Variants in IFT70B observed in about 807,000 individuals in gnomAD.
The protein encoded by IFT70B is intraflagellar transport protein 70B.
At chr2:177,552,225 G>A in the IFT70B span, 6 of 1,614,124 alleles carry the variant, frequency 3.7e-6, no homozygotes, top group Non-Finnish European at 5.1e-6. Context: ...GGCCTGCAGG[G>A]CGGCAAAAAA....
chr2:177,552,061 C>T, the IFT70B span: 1 of 1,614,116 alleles, frequency 6.2e-7, no homozygotes, highest in Non-Finnish European at 8.5e-7. Flanking sequence ...CTGCGAACAT[C>T]AATGCCCTCA....
the IFT70B span, chr2:177,551,025 G>C: frequency 1.2e-6 from 2 of 1,614,128 alleles, no homozygotes; most frequent in South Asian, 2.2e-5. Flanking sequence ...CCAGGTGTCT[G>C]TTCCCAGCTT....
At chr2:177,552,775 C>G in the IFT70B span, 1 of 1,522,496 alleles carries the variant, frequency 6.6e-7, no homozygotes, top group African/African-American at 1.4e-5. Flanking sequence ...ACCACCACGG[C>G]TGTTATGGGT....
At chr2:177,552,715 C>T in the IFT70B span, 2 of 1,592,888 alleles carry the variant, frequency 1.3e-6, no homozygotes, top group Non-Finnish European at 1.7e-6. Context: ...CGGTACACGA[C>T]CGCGGTGAAC....
At chr2:177,551,826 A>C in the IFT70B span, 2 of 1,614,130 alleles carry the variant, frequency 1.2e-6, no homozygotes, top group Admixed American at 1.7e-5. Flanking sequence ...ATTCTGTTGG[A>C]GCAAAAACTG....
At chr2:177,552,134 A>C in the IFT70B span, 4 of 1,614,258 alleles carry the variant, frequency 2.5e-6, no homozygotes, top group African/African-American at 2.7e-5. Flanking sequence ...TCTCAGCGAT[A>C]TGCTTCAGTG....
the IFT70B span, chr2:177,551,541 G>A: frequency 1.9e-6 from 3 of 1,614,222 alleles, no homozygotes; most frequent in East Asian, 2.2e-5. Flanking sequence ...CTTTTTGATA[G>A]CTTCATCATC....
At chr2:177,552,637 T>A in the IFT70B span, 6 of 1,590,298 alleles carry the variant, frequency 3.8e-6, no homozygotes, top group Non-Finnish European at 5.1e-6. Context: ...GCGCGGCTCC[T>A]AGGGCTCCGC....
chr2:177,552,181 C>G, the IFT70B span: 1 of 1,614,220 alleles, frequency 6.2e-7, no homozygotes, highest in Non-Finnish European at 8.5e-7. Context: ...TAGGCCAAAG[C>G]CAGGTTGTAG....
chr2:177,552,737 G>T, the IFT70B span: 2 of 1,580,820 alleles, frequency 1.3e-6, no homozygotes, highest in East Asian at 2.3e-5. Context: ...CCCCGTCGGG[G>T]ATCTGCGCGC....
the IFT70B span, chr2:177,550,287 T>C: frequency 6.6e-6 from 1 of 152,440 alleles, no homozygotes; most frequent in Non-Finnish European, 1.5e-5. Flanking sequence ...AAGAATTATA[T>C]CCATATGAAT....
At chr2:177,551,919 T>C in the IFT70B span, 1 of 1,614,244 alleles carries the variant, frequency 6.2e-7, no homozygotes, top group Non-Finnish European at 8.5e-7. Flanking sequence ...CAACTCTTCC[T>C]CTGCCCTGGG....
At chr2:177,552,520 G>T in the IFT70B span, 2 of 1,601,792 alleles carry the variant, frequency 1.2e-6, no homozygotes, top group Non-Finnish European at 1.7e-6. Flanking sequence ...TGGTACAGGC[G>T]GTACTGCTCC....
chr2:177,550,883 A>T, the IFT70B span: 1 of 1,614,162 alleles, frequency 6.2e-7, no homozygotes, highest in South Asian at 1.1e-5. Flanking sequence ...CAATAACAGC[A>T]GGTATGTTTC....
At chr2:177,552,005 G>A in the IFT70B span, 2 of 1,614,102 alleles carry the variant, frequency 1.2e-6, no homozygotes, top group African/African-American at 1.3e-5. Flanking sequence ...TAAGGTTGAA[G>A]GCTTCCACCA....
At chr2:177,552,790 T>A in the IFT70B span, 2 of 1,497,142 alleles carry the variant, frequency 1.3e-6, no homozygotes, top group Non-Finnish European at 1.8e-6. Flanking sequence ...ATGGGTGCGG[T>A]TACTATGGCA....
At chr2:177,551,948 T>G in the IFT70B span, 1 of 1,614,200 alleles carries the variant, frequency 6.2e-7, no homozygotes, top group Non-Finnish European at 8.5e-7. Context: ...CAGTGAGGGC[T>G]TCTTGAGCTG....
At chr2:177,551,631 T>C in the IFT70B span, 4 of 1,614,110 alleles carry the variant, frequency 2.5e-6, no homozygotes, top group Non-Finnish European at 3.4e-6. Context: ...CCCATCAAGC[T>C]TAATGAAAGC....
the IFT70B span, chr2:177,550,460 G>T: frequency 4.5e-6 from 1 of 221,736 alleles, no homozygotes; most frequent in Non-Finnish European, 8.8e-6. Context: ...TGTAATCCTT[G>T]TGCAAAGACC....
Sources: allele counts gnomAD v4.1 joint callset, GRCh38; gene constraint gnomAD v4.1.1; transcripts MANE v1.5; gene names NCBI Gene and HGNC (gene_info 2026-07-23, HGNC 2026-07-21).